PDE1C: variants seen among roughly 807,000 people sequenced by gnomAD.
PDE1C encodes the protein dual specificity calcium/calmodulin-dependent 3',5'-cyclic nucleotide phosphodiesterase 1C.
A neutral mutation model predicts 93.1 loss-of-function variants in PDE1C; 62 were observed. The ratio of observed to expected loss-of-function variants is 0.67; its 90% CI spans 0.54 to 0.82. The LOEUF is 0.82. PDE1C is among the 40% of genes least tolerant of loss of function. The pLI is 0.00. For missense variants in PDE1C, 742 were observed against 884.6 expected, an observed-to-expected ratio of 0.84 and a Z score of 2.04; for synonymous variants, 325 against 310.1, an observed-to-expected ratio of 1.05 and a Z score of -0.50.
chr7:32,091,093 A>G (rs1030768062), intron 3 of PDE1C, among the ~76,000 whole-genome samples: 19 of 152,208 alleles, frequency 1.2e-4, no homozygotes, highest in South Asian at 2.1e-4. Flanking sequence ...TGCCTTTCAT[A>G]TTCACCTATC....
chr7:31,704,349 T>C, the PDE1C span, among the ~76,000 whole-genome samples: 4 of 152,178 alleles, frequency 2.6e-5, no homozygotes, highest in South Asian at 6.2e-4. Flanking sequence ...TGGGTGGGAT[T>C]GTGCTGTAAA....
chr7:32,099,314 C>T (rs1487459311), intron 3 of PDE1C, among the ~76,000 whole-genome samples: 1 of 152,044 alleles, frequency 6.6e-6, no homozygotes, highest in Non-Finnish European at 1.5e-5. Context: ...GTTATCTTTG[C>T]CATTATAAAG....
At chr7:32,030,086 C>CAA (rs1294647819) in intron 2 of PDE1C, among the ~76,000 whole-genome samples, 2 of 133,050 alleles carry the variant, frequency 1.5e-5, no homozygotes. Flanking sequence ...ATAACACACA[C>CAA]ACACACACAC....
At chr7:32,415,786 G>C (rs946356868) in intron 1 of PDE1C, among the ~76,000 whole-genome samples, 1 of 152,210 alleles carries the variant, frequency 6.6e-6, no homozygotes, top group African/African-American at 2.4e-5. Flanking sequence ...AAAAGTGACA[G>C]AATGGAAAAA....
In PDE1C at chr7:31,821,120, A is replaced by G. The variant is rs12535340; in HGVS notation, c.1582+1953T>C. ...ACACCAGGCTCTGTGCCTTTGCCCA[A>G]CCCCTTTCTTCTTGTTCCCATTTCT... On this transcript the variant is annotated intron_variant, in intron 14 of 17. Coordinates refer to ENST00000396191, the MANE Select transcript of PDE1C (RefSeq NM_001191057.4). Among the ~76,000 whole-genome samples, 360 of 152,054 alleles carry G rather than the reference A, an allele frequency of 2.4e-3. 5 individuals are homozygous for G. The highest frequency in any genetic ancestry group is 0.016 in the Admixed American group (249 of 15,248).
intron 1 of PDE1C, among the ~76,000 whole-genome samples, chr7:32,417,393 G>A (rs1048099385): frequency 3.3e-5 from 5 of 151,724 alleles, no homozygotes; most frequent in African/African-American, 1.2e-4. Flanking sequence ...AAAAACACCT[G>A]TTGAGCACTG....
At chr7:32,193,251 C>T (rs1268658844) in intron 2 of PDE1C, among the ~76,000 whole-genome samples, 18 of 152,058 alleles carry the variant, frequency 1.2e-4, no homozygotes, top group Admixed American at 7.2e-4. Context: ...GAAAAGCATC[C>T]GTTTTTGCCC....
the PDE1C span, among the ~76,000 whole-genome samples, chr7:31,660,866 TATTA>T: frequency 6.6e-6 from 1 of 151,572 alleles, no homozygotes; most frequent in African/African-American, 2.4e-5. Context: ...ATGCAATATA[TATTA>T]TATATAATAT....
the PDE1C span, chr7:31,642,738 A>G: frequency 6.2e-7 from 1 of 1,614,030 alleles, no homozygotes; most frequent in East Asian, 2.2e-5. Flanking sequence ...GAAAGCCAAG[A>G]GATCAGAGCC....
intron 1 of PDE1C, among the ~76,000 whole-genome samples, chr7:32,309,078 A>T (rs1256821303): frequency 2.6e-5 from 4 of 152,200 alleles, no homozygotes; most frequent in South Asian, 4.1e-4. Context: ...CTGAAAGCCA[A>T]GGCTCAAGAA....
intron 3 of PDE1C, among the ~76,000 whole-genome samples, chr7:32,104,575 C>G (rs1798202959): frequency 6.6e-6 from 1 of 152,066 alleles, no homozygotes; most frequent in African/African-American, 2.4e-5. Context: ...TTTTGGGTCC[C>G]ATGTCAAAAT....
upstream of PDE1C, among the ~76,000 whole-genome samples, chr7:32,073,641 C>T (rs141370517): frequency 2.2e-3 from 331 of 152,296 alleles, 1 homozygote; most frequent in African/African-American, 7.3e-3. Context: ...TGCTCCTAAA[C>T]CACATTAGAA....
At chr7:32,078,371 G>T (rs7787668) in intron 3 of PDE1C, among the ~76,000 whole-genome samples, 10,830 of 152,204 alleles carry the variant, frequency 0.071, 424 homozygotes, top group African/African-American at 0.083. Flanking sequence ...CACTTCCAAC[G>T]GAGGACTGGT....
chr7:32,142,274 A>T (rs934624194), intron 3 of PDE1C, among the ~76,000 whole-genome samples: 4 of 152,158 alleles, frequency 2.6e-5, no homozygotes, highest in Non-Finnish European at 5.9e-5. Flanking sequence ...GGGCAAAGGC[A>T]CTCAAGGAGG....
At chr7:31,693,960 CAA>C in the PDE1C span, among the ~76,000 whole-genome samples, 1 of 152,168 alleles carries the variant, frequency 6.6e-6, no homozygotes, top group Non-Finnish European at 1.5e-5. Flanking sequence ...CCAAAGAAGA[CAA>C]AAAGTTTCAC....
intron 2 of PDE1C, among the ~76,000 whole-genome samples, chr7:32,003,651 G>A (rs190626028): frequency 6.6e-6 from 1 of 152,218 alleles, no homozygotes; most frequent in African/African-American, 2.4e-5. Flanking sequence ...TTCAGCTATG[G>A]TAGTCATTCA....
At chr7:32,141,199 A>G (rs748323280) in intron 3 of PDE1C, among the ~76,000 whole-genome samples, 4 of 152,214 alleles carry the variant, frequency 2.6e-5, no homozygotes, top group Non-Finnish European at 5.9e-5. Flanking sequence ...AGTGAATAAG[A>G]GTATGGAAAG....
intron 2 of PDE1C, among the ~76,000 whole-genome samples, chr7:32,205,332 C>A (rs1805352494): frequency 6.6e-6 from 1 of 152,208 alleles, no homozygotes; most frequent in African/African-American, 2.4e-5. Flanking sequence ...TAAGCTCTAG[C>A]ATTGAGGTGA....
the PDE1C span, among the ~76,000 whole-genome samples, chr7:31,625,080 C>A: frequency 6.6e-6 from 1 of 152,146 alleles, no homozygotes; most frequent in Non-Finnish European, 1.5e-5. Context: ...GAGATATCAT[C>A]TCACACCAGT....
Sources: gnomAD v4.1 joint callset for allele counts (sites outside exome capture counted in the v4.1 genomes callset) on GRCh38, gnomAD v4.1.1 for gene constraint, MANE v1.5 for transcripts, NCBI Gene and HGNC (gene_info 2026-07-23, HGNC 2026-07-21) for gene names.